Variants in SDK2 observed in about 807,000 individuals in gnomAD.
SDK2 encodes sidekick cell adhesion molecule 2, also known as protein sidekick-2.
In SDK2, 105 loss-of-function variants were observed where a neutral mutation model predicts 253.9. The observed-to-expected ratio is 0.41, with a 90% CI of 0.35 to 0.49. The LOEUF (loss-of-function observed/expected upper bound fraction) is 0.49. Ranked by LOEUF, SDK2 falls within the 20% of genes least tolerant of loss-of-function variation. The pLI is 0.06. For missense variants in SDK2, 2,608 were observed against 3,003.0 expected (o/e 0.87, Z 3.07); for synonymous variants, 1,249 against 1,234.9 (o/e 1.01, Z -0.24).
intron 18 of SDK2, among the ~76,000 whole-genome samples, chr17:73,412,191 C>CACACATATACATATATGTATATGCACAT (rs2063144745): frequency 3.4e-5 from 5 of 147,044 alleles, no homozygotes; most frequent in Admixed American, 2.7e-4. Flanking sequence ...TATGCACATA[C>CACACATATACATATATGTATATGCACAT]ACACATATAC....
Position 73,393,712 on chromosome 17 carries a change from C to A in SDK2, c.3746G>T (p.Arg1249Leu), listed in dbSNP as rs751363098. ...CGAGTTGCCTTCCACCAGCCAGAAT[C>A]GGGGCTGGGTGTCCGAGTCCTTCTC... ...YKEKDSDTQP[R>L]FWLVEGNSSR... Residue 1249 changes from arginine (R) to leucine (L), a missense_variant, in exon 27 of 45, where the codon CGA becomes CTA. Transcript: ENST00000392650. 1 of 1,588,882 alleles carries A rather than the reference C, an allele frequency of 6.3e-7. No homozygotes were observed. The highest frequency in any genetic ancestry group is 1.7e-5 in the Admixed American group (1 of 59,116).
rs765725605 is a variant in SDK2, at chr17:73,365,377, G to A, written c.5186C>T (p.Ser1729Leu). ...TQQAAPSAPS[S>L]VKFSELTTTS... ...TGTGGTCAGCTCACTGAACTTGACC[G>A]AGCTGGGAGCGCTGGGGGCTGCGGG... Residue 1729 changes from serine (S) to leucine (L), a missense_variant, in exon 38 of 45, where the codon TCG becomes TTG. Coordinates refer to ENST00000392650, the MANE Select transcript of SDK2 (RefSeq NM_001144952.2). 7.5e-6 allele frequency: 12 copies of A among 1,609,940 alleles called. No homozygotes were observed. Among genetic ancestry groups the A allele is most frequent in the Admixed American group, 1.7e-5 (1 of 59,094 alleles).
Position 73,643,685 on chromosome 17 carries a change from CG to C in SDK2, c.64+339del, listed in dbSNP as rs1378820035. Among the ~76,000 whole-genome samples the C allele has an allele frequency of 2.6e-5, 4 of 152,100 alleles. No homozygotes were observed. The highest frequency in any genetic ancestry group is 7.2e-5 in the African/African-American group (3 of 41,456). On this transcript the variant is annotated intron_variant, in intron 1 of 44. Transcript: ENST00000392650. This position sits in a 1 kb window ranked among gnomAD's most constrained non-coding sequence, Gnocchi z 6.9. ...GCTCAGCGTAGCCGAGCGTGGAGCC[CG>C]GCACGGAATGTCGCTCCCCTCCCAA...
intron 2 of SDK2, among the ~76,000 whole-genome samples, chr17:73,480,711 A>G (rs559726067): frequency 1.3e-5 from 2 of 152,170 alleles, no homozygotes; most frequent in East Asian, 3.9e-4. Flanking sequence ...GCTGAGATGG[A>G]GAGAGACACA....
chr17:73,424,392 C>T (rs569000991), intron 12 of SDK2, among the ~76,000 whole-genome samples: 2 of 152,216 alleles, frequency 1.3e-5, no homozygotes, highest in African/African-American at 2.4e-5. Flanking sequence ...TGGCCAGAAG[C>T]GCTTGCAAAA....
At chr17:73,424,339 C>A (rs888750215) in intron 12 of SDK2, among the ~76,000 whole-genome samples, 1 of 152,118 alleles carries the variant, frequency 6.6e-6, no homozygotes, top group Non-Finnish European at 1.5e-5. Flanking sequence ...CATTATTGGT[C>A]GTTACACCTT....
chr17:73,478,308 G>A (rs1324192328), intron 2 of SDK2, among the ~76,000 whole-genome samples: 5 of 152,122 alleles, frequency 3.3e-5, no homozygotes, highest in Non-Finnish European at 7.3e-5. Context: ...CGGGCTTTTT[G>A]ACAGCTGCAG....
At chr17:73,590,988 C>T (rs1198786675) in intron 1 of SDK2, among the ~76,000 whole-genome samples, 10 of 152,266 alleles carry the variant, frequency 6.6e-5, no homozygotes, top group African/African-American at 1.2e-4. Flanking sequence ...TGCATGATCT[C>T]GGCTCACTGC....
chr17:73,604,032 C>T (rs1015536584), intron 1 of SDK2, among the ~76,000 whole-genome samples: 1 of 152,230 alleles, frequency 6.6e-6, no homozygotes, highest in African/African-American at 2.4e-5. Context: ...AACCCAGGGC[C>T]AAATGGGCAG....
intron 1 of SDK2, among the ~76,000 whole-genome samples, chr17:73,516,445 G>T (rs1028861067): frequency 2.0e-5 from 3 of 152,194 alleles, no homozygotes; most frequent in Non-Finnish European, 2.9e-5. Context: ...CTCCTGGCGA[G>T]TCCCTTCCCT....
At chr17:73,503,478 A>C (rs1029552087) in intron 2 of SDK2, among the ~76,000 whole-genome samples, 8 of 152,250 alleles carry the variant, frequency 5.3e-5, no homozygotes, top group Admixed American at 1.3e-4. Flanking sequence ...GTAGGGAGAC[A>C]GTAAGAGAGC....
At chr17:73,602,162 T>A (rs1325326519) in intron 1 of SDK2, among the ~76,000 whole-genome samples, 1 of 151,966 alleles carries the variant, frequency 6.6e-6, no homozygotes, top group Non-Finnish European at 1.5e-5. Flanking sequence ...GAAGTTGGAG[T>A]GCTTCACTCC....
chr17:73,470,891 G>A (rs1399058857), intron 3 of SDK2, among the ~76,000 whole-genome samples: 1 of 152,184 alleles, frequency 6.6e-6, no homozygotes, highest in East Asian at 1.9e-4. Context: ...AACCCAGAAT[G>A]CAACAGCCCA....
intron 2 of SDK2, among the ~76,000 whole-genome samples, chr17:73,502,554 T>C (rs1191312829): frequency 6.6e-6 from 1 of 152,190 alleles, no homozygotes; most frequent in Non-Finnish European, 1.5e-5. Context: ...AGTATGGAAA[T>C]GAACAATGTC....
At chr17:73,457,815 C>T (rs2063539132) in intron 3 of SDK2, among the ~76,000 whole-genome samples, 1 of 152,144 alleles carries the variant, frequency 6.6e-6, no homozygotes, top group Non-Finnish European at 1.5e-5. Context: ...TCCCCTCCTA[C>T]TGCATTGGGT....
chr17:73,589,224 G>A (rs1023547941), intron 1 of SDK2, among the ~76,000 whole-genome samples: 1 of 152,268 alleles, frequency 6.6e-6, no homozygotes, highest in Non-Finnish European at 1.5e-5. Context: ...TCACGCTCCA[G>A]CTCACAGTGA....
At chr17:73,392,761 G>A (rs2062938635) in intron 27 of SDK2, among the ~76,000 whole-genome samples, 1 of 152,096 alleles carries the variant, frequency 6.6e-6, no homozygotes, top group African/African-American at 2.4e-5. Context: ...AGTAGGTGGG[G>A]GCGTGTGCGG....
intron 1 of SDK2, among the ~76,000 whole-genome samples, chr17:73,509,359 GTGTCCC>G (rs1340958696): frequency 6.6e-6 from 1 of 152,172 alleles, no homozygotes. Context: ...CTAAAGTACG[GTGTCCC>G]CTCCAGGGAA....
rs9302965 is a variant in SDK2, at chr17:73,427,642, C to CAAAAAAAAAAAAAAAAAAAAA, written c.1583+2868_1583+2869insTTTTTTTTTTTTTTTTTTTTT. 1.9e-5 allele frequency among the ~76,000 whole-genome samples: 2 copies of CAAAAAAAAAAAAAAAAAAAAA among 105,824 alleles called. 1 individual carries two copies. The highest frequency in any genetic ancestry group is 3.8e-5 in the Non-Finnish European group (2 of 52,948). 69.4% of individuals were successfully genotyped at this position (105,824 alleles called of 152,430 possible). On this transcript the variant is annotated intron_variant, in intron 12 of 44. Transcript: ENST00000392650. ...GCTGGAAAACCTTGACATCCACATG[C>CAAAAAAAAAAAAAAAAAAAAA]AAAAAAAAAAAAAAAAAAAATCTAG...
Sources: gnomAD v4.1 joint callset for allele counts (sites outside exome capture counted in the v4.1 genomes callset) on GRCh38, gnomAD v4.1.1 for gene constraint, Gnocchi (gnomAD v3.1) non-coding constraint, MANE v1.5 for transcripts, NCBI Gene and HGNC (gene_info 2026-07-23, HGNC 2026-07-21) for gene names.